RNFT2: variants seen among roughly 807,000 people sequenced by gnomAD.
RNFT2 encodes the protein ring finger protein, transmembrane 2, also known as E3 ubiquitin-protein ligase RNFT2.
RNFT2 carries 36 observed loss-of-function variants against 53.0 expected under a neutral mutation model. The observed-to-expected ratio is 0.68, with a 90% CI of 0.52 to 0.90. RNFT2 has a LOEUF of 0.90. Among genes scored for constraint, RNFT2 ranks in the 40% least tolerant of loss-of-function variants. The probability of loss-of-function intolerance (pLI) is 0.00; values close to 1 mark genes in which losing one functional copy is unlikely to be tolerated. For missense variants in RNFT2, 514 were observed against 585.6 expected (o/e 0.88, Z 1.26); for synonymous variants, 260 against 253.2 (o/e 1.03, Z -0.26).
At chr12:116,834,932 C>T (rs1314569149) in intron 8 of RNFT2, among the ~76,000 whole-genome samples, 1 of 151,432 alleles carries the variant, frequency 6.6e-6, no homozygotes, top group Non-Finnish European at 1.5e-5. Context: ...TCATTGCAAC[C>T]TCCGCCTCCC....
chr12:116,815,236 C>T (rs1169758355), intron 7 of RNFT2, among the ~76,000 whole-genome samples: 1 of 152,240 alleles, frequency 6.6e-6, no homozygotes, highest in Admixed American at 6.5e-5. Flanking sequence ...ATGCTCCAGC[C>T]ATGCCATCCT....
intron 7 of RNFT2, among the ~76,000 whole-genome samples, chr12:116,800,484 T>C (rs1406845873): frequency 1.3e-5 from 2 of 151,990 alleles, no homozygotes; most frequent in Non-Finnish European, 2.9e-5. Context: ...ATATAAAAAA[T>C]CAGCCGGGCA....
intron 7 of RNFT2, among the ~76,000 whole-genome samples, chr12:116,780,220 A>T (rs948361545): frequency 6.6e-6 from 1 of 152,002 alleles, no homozygotes; most frequent in Non-Finnish European, 1.5e-5. Flanking sequence ...CCCTTTCTCC[A>T]CTGTGTGACT....
intron 6 of RNFT2, among the ~76,000 whole-genome samples, chr12:116,768,110 T>C (rs1414084105): frequency 6.6e-6 from 1 of 151,514 alleles, no homozygotes; most frequent in Non-Finnish European, 1.5e-5. Context: ...TTTTTTTTTT[T>C]TTTTTGGAGA....
intron 6 of RNFT2, among the ~76,000 whole-genome samples, chr12:116,775,257 G>A (rs1415924826): frequency 8.4e-5 from 6 of 71,412 alleles, no homozygotes; most frequent in Admixed American, 2.1e-4. Flanking sequence ...TGAAACTCCC[G>A]TCTCAAAAAA....
At position 116,849,845 on chromosome 12, in the gene RNFT2, C is replaced by CTTCCTTCCTTTTTTTTTTTTTTTTT. The variant is rs71099005; in HGVS notation, c.*399_*400insCCTTCCTTTTTTTTTTTTTTTTTTT. The CTTCCTTCCTTTTTTTTTTTTTTTTT allele has an allele frequency of 1.3e-5, 1 of 76,362 alleles. No homozygotes were observed. The allele number at this position is 76,362 out of a possible 1,614,324, so 4.7% of individuals were successfully genotyped here. On this transcript the variant is annotated 3_prime_UTR_variant, in exon 11 of 11. Transcript: ENST00000257575. The stretch of plus-strand genomic sequence containing the variant: ...CCCTCCCTCCTTCCTTCCTTCCTTC[C>CTTCCTTCCTTTTTTTTTTTTTTTTT]TTTTTTTTTTTTTTTTAAAACAAGG...
In RNFT2 at chr12:116,849,484, G is replaced by T. The variant is rs746329790; in HGVS notation, c.*36G>T. The T allele has an allele frequency of 6.4e-7, 1 of 1,557,072 alleles. No individual in the cohort carries two copies. Among genetic ancestry groups the T allele is most frequent in the Non-Finnish European group, 8.7e-7 (1 of 1,148,858 alleles). On this transcript the variant is annotated 3_prime_UTR_variant, in exon 11 of 11. Coordinates refer to ENST00000257575, the MANE Select transcript of RNFT2 (RefSeq NM_001382266.1). The stretch of plus-strand genomic sequence containing the variant: ...TGAGGACACCCAGAAGGACGCCAAG[G>T]GTCAGCATGCCCGGACCCAGCCCTG...
intron 5 of RNFT2, among the ~76,000 whole-genome samples, chr12:116,762,100 C>T (rs921421889): frequency 2.5e-4 from 38 of 151,320 alleles, no homozygotes; most frequent in African/African-American, 8.2e-4. Context: ...AGAAAAGAGC[C>T]AGGCACTGTG....
At chr12:116,790,484 A>C (rs1409310338) in intron 7 of RNFT2, among the ~76,000 whole-genome samples, 1 of 152,252 alleles carries the variant, frequency 6.6e-6, no homozygotes, top group Non-Finnish European at 1.5e-5. Flanking sequence ...AATAACTTGC[A>C]AAAGAGCGCA....
intron 7 of RNFT2, among the ~76,000 whole-genome samples, chr12:116,815,491 C>T (rs1309182722): frequency 6.6e-6 from 1 of 152,134 alleles, no homozygotes; most frequent in Non-Finnish European, 1.5e-5. Flanking sequence ...AAGCTCCCTG[C>T]CCTCCTTGCC....
At chr12:116,791,672 A>G (rs557570465) in intron 7 of RNFT2, among the ~76,000 whole-genome samples, 14 of 152,356 alleles carry the variant, frequency 9.2e-5, no homozygotes, top group East Asian at 3.9e-4. Context: ...TTGTTTAGCC[A>G]TTCCTCTGTC....
At chr12:116,835,716 G>A (rs920678244) in intron 8 of RNFT2, among the ~76,000 whole-genome samples, 4 of 152,204 alleles carry the variant, frequency 2.6e-5, no homozygotes, top group Non-Finnish European at 5.9e-5. Flanking sequence ...AAGGGAAATA[G>A]GCACTATGCA....
At chr12:116,810,380 G>A (rs745599888) in intron 7 of RNFT2, among the ~76,000 whole-genome samples, 24 of 152,146 alleles carry the variant, frequency 1.6e-4, no homozygotes, top group African/African-American at 4.8e-5. Flanking sequence ...AAAACAGTTC[G>A]GGGTGTGCGT....
intron 7 of RNFT2, among the ~76,000 whole-genome samples, chr12:116,800,863 ACC>A (rs1874760406): frequency 4.7e-5 from 2 of 42,636 alleles, no homozygotes; most frequent in African/African-American, 1.0e-4. Context: ...TAAAATAAAA[ACC>A]ATTTAACAGA....
chr12:116,792,564 T>A (rs1332340104), intron 7 of RNFT2, among the ~76,000 whole-genome samples: 1 of 152,156 alleles, frequency 6.6e-6, no homozygotes, highest in East Asian at 1.9e-4. Flanking sequence ...TCCAGCTCCC[T>A]TTTTTTGATG....
Position 116,852,768 on chromosome 12 carries a change from A to G in RNFT2, c.*3320A>G. Reference sequence around the variant, plus strand: ...CTGGAATTCTGATTCCAAACTCTTTATTACTTTGGGAAGTCACTCAGCCTC... The same window carrying G: ...CTGGAATTCTGATTCCAAACTCTTTGTTACTTTGGGAAGTCACTCAGCCTC... On this transcript the variant is annotated 3_prime_UTR_variant, in exon 11 of 11. Transcript: ENST00000257575. The G allele has an allele frequency of 1.3e-6, 2 of 1,578,306 alleles. No individual in the cohort carries two copies. Among genetic ancestry groups the G allele is most frequent in the East Asian group, 2.2e-5 (1 of 44,710 alleles).
chr12:116,769,762 T>A (rs1873091350), intron 6 of RNFT2, among the ~76,000 whole-genome samples: 1 of 152,178 alleles, frequency 6.6e-6, no homozygotes, highest in African/African-American at 2.4e-5. Context: ...CCGGGCATGG[T>A]GGCTCATGCC....
chr12:116,792,736 T>C (rs138680311), intron 7 of RNFT2, among the ~76,000 whole-genome samples: 19 of 152,262 alleles, frequency 1.2e-4, no homozygotes, highest in African/African-American at 4.1e-4. Flanking sequence ...CATCAATCCT[T>C]GTCTGTGGAG....
At chr12:116,785,877 T>C (rs367867485) in intron 7 of RNFT2, among the ~76,000 whole-genome samples, 5 of 152,040 alleles carry the variant, frequency 3.3e-5, no homozygotes, top group African/African-American at 1.2e-4. Flanking sequence ...GGTGAAACCC[T>C]GTCTCTACAA....
Sources: gnomAD v4.1 joint callset for allele counts (sites outside exome capture counted in the v4.1 genomes callset) on GRCh38, gnomAD v4.1.1 for gene constraint, MANE v1.5 for transcripts, NCBI Gene and HGNC (gene_info 2026-07-23, HGNC 2026-07-21) for gene names.